The following CAMTA1 variants were observed in gnomAD, a reference collection of about 807,000 sequenced individuals.
CAMTA1 encodes calmodulin binding transcription activator 1, also known as calmodulin-binding transcription activator 1.
A neutral mutation model predicts 170.9 loss-of-function variants in CAMTA1; 27 were observed. The ratio of observed to expected loss-of-function variants is 0.16; its 90% CI spans 0.12 to 0.22. CAMTA1 has a LOEUF of 0.22. Among genes scored for constraint, CAMTA1 ranks in the 10% least tolerant of loss-of-function variants. The probability of loss-of-function intolerance (pLI) is 1.00; values close to 1 mark genes in which losing one functional copy is unlikely to be tolerated. For synonymous variants in CAMTA1, 833 were observed against 891.5 expected, an observed-to-expected ratio of 0.93 and a Z score of 1.17; for missense variants, 1,619 against 2,217.2, an observed-to-expected ratio of 0.73 and a Z score of 5.42.
At chr1:6,929,063 T>C (rs1340284186) in intron 3 of CAMTA1, among the ~76,000 whole-genome samples, 2 of 152,236 alleles carry the variant, frequency 1.3e-5, no homozygotes, top group Non-Finnish European at 2.9e-5. Context: ...TTAATTCTGC[T>C]GAGTAAGATG....
intron 4 of CAMTA1, among the ~76,000 whole-genome samples, chr1:7,200,736 T>C (rs1656519627): frequency 6.6e-6 from 1 of 152,172 alleles, no homozygotes; most frequent in Non-Finnish European, 1.5e-5. Flanking sequence ...TGGTTGGTGT[T>C]AACTCATTGC....
At position 6,965,722 on chromosome 1, in the gene CAMTA1, G is replaced by A. The variant is rs1051414058; in HGVS notation, c.235-125582G>A. Among the ~76,000 whole-genome samples, 3 of 152,304 alleles carry A rather than the reference G, an allele frequency of 2.0e-5. No individual in the cohort carries two copies. The highest frequency in any genetic ancestry group is 1.9e-4 in the East Asian group (1 of 5,192). ...TGGTGGTTTTTATGAGAACATTTTC[G>A]CTTTGGGAGTTATTAGAGTTAGTGC... is the stretch of plus-strand genomic sequence containing the variant. On this transcript the variant is annotated intron_variant, in intron 3 of 22. Transcript: ENST00000303635. The surrounding 1 kb of genome is among the most constrained non-coding windows in gnomAD (Gnocchi z 4.1).
At chr1:7,177,642 C>T (rs951087750) in intron 4 of CAMTA1, among the ~76,000 whole-genome samples, 51 of 151,950 alleles carry the variant, frequency 3.4e-4, no homozygotes, top group African/African-American at 1.2e-3. Flanking sequence ...AAGCCCCTCC[C>T]ACACATTGAG....
intron 4 of CAMTA1, among the ~76,000 whole-genome samples, chr1:7,102,728 G>A (rs1207005910): frequency 6.6e-6 from 1 of 152,042 alleles, no homozygotes; most frequent in African/African-American, 2.4e-5. Flanking sequence ...TCATGGGCTC[G>A]CTCTAATTAA....
intron 3 of CAMTA1, among the ~76,000 whole-genome samples, chr1:6,899,737 T>TG (rs1676523563): frequency 1.3e-5 from 2 of 152,234 alleles, no homozygotes; most frequent in Non-Finnish European, 2.9e-5. Flanking sequence ...TAGATATGAC[T>TG]GAGGACTTAA....
At position 7,092,483 on chromosome 1, in the gene CAMTA1, G is replaced by A. The variant is rs988231499; in HGVS notation, c.302+1112G>A. On this transcript the variant is annotated intron_variant, in intron 4 of 22. Coordinates refer to ENST00000303635, the MANE Select transcript of CAMTA1 (RefSeq NM_015215.4). The surrounding 1 kb of genome is among the most constrained non-coding windows in gnomAD (Gnocchi z 5.0). ...ATCCTCCCCTTTGAAGGAGGCTAGA[G>A]GGCATTGTGGAAGGAAGGTTAGTTA... 2.0e-5 allele frequency among the ~76,000 whole-genome samples: 3 copies of A among 152,192 alleles called. No homozygotes were observed. The highest frequency in any genetic ancestry group is 7.2e-5 in the African/African-American group (3 of 41,446).
chr1:6,852,986 T>TAACTCAGGGAAGTCCAAGA (rs70984027), intron 3 of CAMTA1: 1 of 152,050 alleles, frequency 6.6e-6, no homozygotes, highest in Non-Finnish European at 1.5e-5. Flanking sequence ...CTTACTACCG[T>TAACTCAGGGAAGTCCAAGA]GTTTCAGGGC....
chr1:7,086,426 A>G (rs1640753569), intron 3 of CAMTA1, among the ~76,000 whole-genome samples: 1 of 151,934 alleles, frequency 6.6e-6, no homozygotes, highest in Non-Finnish European at 1.5e-5. Context: ...TCTTCTTTTT[A>G]TTTTTATTGT....
intron 11 of CAMTA1, among the ~76,000 whole-genome samples, chr1:7,716,555 GTC>G (rs759350507): frequency 6.6e-5 from 10 of 152,144 alleles, no homozygotes; most frequent in Non-Finnish European, 1.3e-4. Flanking sequence ...TGGAACAGAA[GTC>G]TCTCATGTAG....
chr1:7,368,484 A>G (rs1312410907), intron 5 of CAMTA1, among the ~76,000 whole-genome samples: 1 of 152,128 alleles, frequency 6.6e-6, no homozygotes, highest in Non-Finnish European at 1.5e-5. Flanking sequence ...CTGGGTGCAG[A>G]TACCTAGCAC....
At chr1:7,301,502 G>T (rs1410263280) in intron 5 of CAMTA1, among the ~76,000 whole-genome samples, 2 of 152,190 alleles carry the variant, frequency 1.3e-5, no homozygotes, top group African/African-American at 4.8e-5. Flanking sequence ...GGCCCGGGGA[G>T]GATCCCTGTG....
At chr1:7,366,450 T>C (rs2085974014) in intron 5 of CAMTA1, among the ~76,000 whole-genome samples, 1 of 152,380 alleles carries the variant, frequency 6.6e-6, no homozygotes, top group South Asian at 2.1e-4. Flanking sequence ...GGCCCCATGC[T>C]GATGCTGGGT....
chr1:7,237,118 G>A (rs1042472628), intron 4 of CAMTA1, among the ~76,000 whole-genome samples: 1 of 152,220 alleles, frequency 6.6e-6, no homozygotes. Flanking sequence ...GGAAACAGTG[G>A]AGCTGACCTA....
At chr1:6,873,569 C>G (rs986892842) in intron 3 of CAMTA1, among the ~76,000 whole-genome samples, 2 of 152,166 alleles carry the variant, frequency 1.3e-5, no homozygotes, top group Non-Finnish European at 2.9e-5. Context: ...TCCCATCTGC[C>G]TTTGAGGTAG....
At chr1:6,832,542 T>G (rs977536351) in intron 3 of CAMTA1, among the ~76,000 whole-genome samples, 1 of 152,192 alleles carries the variant, frequency 6.6e-6, no homozygotes, top group African/African-American at 2.4e-5. Flanking sequence ...GTTATCTCTT[T>G]GAAATATAGA....
chr1:6,952,169 G>A (rs4908579), intron 3 of CAMTA1, among the ~76,000 whole-genome samples: 8,861 of 152,200 alleles, frequency 0.058, 374 homozygotes, highest in Admixed American at 0.13. Flanking sequence ...GGTGGCTCAC[G>A]CCTGTAATCC....
intron 1 of CAMTA1, among the ~76,000 whole-genome samples, chr1:6,790,229 A>G (rs1011816992): frequency 6.6e-6 from 1 of 151,908 alleles, no homozygotes; most frequent in Non-Finnish European, 1.5e-5. Flanking sequence ...TTACAAAGAT[A>G]TAGTGTAATA....
chr1:7,076,898 C>A (rs1023420089), intron 3 of CAMTA1, among the ~76,000 whole-genome samples: 1 of 152,202 alleles, frequency 6.6e-6, no homozygotes, highest in Non-Finnish European at 1.5e-5. Flanking sequence ...CTCTTCAATT[C>A]CAAATGCTCA....
intron 3 of CAMTA1, among the ~76,000 whole-genome samples, chr1:7,086,313 C>T (rs146614212): frequency 4.6e-5 from 7 of 152,170 alleles, no homozygotes; most frequent in East Asian, 1.9e-4. Flanking sequence ...CCGCCGGGCA[C>T]GCACACACGT....
Sources: gnomAD v4.1 joint callset for allele counts (sites outside exome capture counted in the v4.1 genomes callset) on GRCh38, gnomAD v4.1.1 for gene constraint, Gnocchi (gnomAD v3.1) non-coding constraint, MANE v1.5 for transcripts, NCBI Gene and HGNC (gene_info 2026-07-23, HGNC 2026-07-21) for gene names.